The following HECW2 variants were observed in gnomAD, a reference collection of about 807,000 sequenced individuals.
The protein encoded by HECW2 is HECT, C2 and WW domain containing E3 ubiquitin protein ligase 2.
A neutral mutation model predicts 175.2 loss-of-function variants in HECW2; 61 were observed. The observed-to-expected ratio is 0.35, with a 90% CI of 0.28 to 0.43. HECW2 has a LOEUF of 0.43. HECW2 is among the 20% of genes least tolerant of loss of function. HECW2 has a pLI of 1.00. For synonymous variants in HECW2, 671 were observed against 731.0 expected (o/e 0.92, Z 1.32); for missense variants, 1,524 against 2,000.5 (o/e 0.76, Z 4.54).
chr2:196,349,116 CT>C (rs1350092035), intron 2 of HECW2, among the ~76,000 whole-genome samples: 1 of 152,194 alleles, frequency 6.6e-6, no homozygotes, highest in Non-Finnish European at 1.5e-5. Context: ...AATATTTAAC[CT>C]TTTTCTCTAG....
intron 1 of HECW2, among the ~76,000 whole-genome samples, chr2:196,548,221 T>C (rs1463147501): frequency 6.6e-6 from 1 of 151,062 alleles, no homozygotes; most frequent in African/African-American, 2.4e-5. Context: ...TCCCAGCTAC[T>C]CAGGAGGCTG....
intron 1 of HECW2, among the ~76,000 whole-genome samples, chr2:196,521,589 A>C (rs1178016201): frequency 2.0e-5 from 3 of 146,806 alleles, no homozygotes; most frequent in Non-Finnish European, 4.5e-5. Flanking sequence ...CCACTAACTC[A>C]TCATCTAGCA....
chr2:196,440,912 A>T (rs1528393), intron 1 of HECW2, among the ~76,000 whole-genome samples: 152,066 of 152,248 alleles, frequency 1, 75,943 homozygotes, highest in Middle Eastern at 1. Flanking sequence ...TTAAAAAATT[A>T]AAAAAAACCC....
chr2:196,309,657 A>C (rs1033729812), intron 10 of HECW2, among the ~76,000 whole-genome samples: 1 of 152,196 alleles, frequency 6.6e-6, no homozygotes, highest in African/African-American at 2.4e-5. Flanking sequence ...AGGGTAATTC[A>C]GGCACATAGA....
intron 17 of HECW2, among the ~76,000 whole-genome samples, chr2:196,259,310 T>C (rs1395436312): frequency 6.6e-6 from 1 of 152,186 alleles, no homozygotes; most frequent in East Asian, 1.9e-4. Context: ...ATTTGAAATA[T>C]TTTTCTTAAG....
At chr2:196,404,334 G>C (rs927523573) in intron 2 of HECW2, among the ~76,000 whole-genome samples, 1 of 152,096 alleles carries the variant, frequency 6.6e-6, no homozygotes, top group Non-Finnish European at 1.5e-5. Context: ...TGTCATGTCT[G>C]CTAGGATTCT....
chr2:196,254,179 C>G (rs1688962470), intron 18 of HECW2, 150 bp from the exon 19 acceptor site: 1 of 1,305,672 alleles, frequency 7.7e-7, no homozygotes, highest in Non-Finnish European at 1.0e-6. Context: ...ATTCTTGGTA[C>G]AAAATGGCTG....
intron 1 of HECW2, among the ~76,000 whole-genome samples, chr2:196,477,237 A>G (rs1335636552): frequency 6.6e-6 from 1 of 152,150 alleles, no homozygotes; most frequent in Non-Finnish European, 1.5e-5. Context: ...GAAATTGGCC[A>G]TATTTAATAT....
intron 13 of HECW2, among the ~76,000 whole-genome samples, chr2:196,297,141 G>T (rs1016306400): frequency 1.3e-5 from 2 of 152,300 alleles, no homozygotes; most frequent in Middle Eastern, 3.4e-3. Flanking sequence ...AGAGGAATTG[G>T]TAATTGTTAA....
intron 1 of HECW2, among the ~76,000 whole-genome samples, chr2:196,441,206 C>G (rs1696030385): frequency 3.3e-5 from 5 of 152,098 alleles, no homozygotes; most frequent in Admixed American, 2.0e-4. Flanking sequence ...CTAAACCTCA[C>G]CTGAAGGGCA....
intron 1 of HECW2, among the ~76,000 whole-genome samples, chr2:196,461,406 C>T (rs1284760920): frequency 2.0e-5 from 3 of 152,208 alleles, no homozygotes; most frequent in Non-Finnish European, 4.4e-5. Context: ...TCATACATTG[C>T]TGATCAGAGT....
intron 1 of HECW2, among the ~76,000 whole-genome samples, chr2:196,526,298 G>A (rs1208922586): frequency 1.6e-5 from 2 of 126,782 alleles, no homozygotes; most frequent in Non-Finnish European, 1.6e-5. Flanking sequence ...CATTCTTCAC[G>A]TAGTTCTCGA....
chr2:196,531,616 C>T (rs921373523), intron 1 of HECW2, among the ~76,000 whole-genome samples: 2 of 150,018 alleles, frequency 1.3e-5, no homozygotes, highest in African/African-American at 5.0e-5. Context: ...GTCCTGAGAT[C>T]GTACCACTGC....
At chr2:196,397,601 T>G (rs1268559837) in intron 2 of HECW2, among the ~76,000 whole-genome samples, 1 of 152,206 alleles carries the variant, frequency 6.6e-6, no homozygotes, top group Non-Finnish European at 1.5e-5. Context: ...CTATACAACC[T>G]CCAGATAATA....
intron 1 of HECW2, among the ~76,000 whole-genome samples, chr2:196,536,449 G>T (rs925744337): frequency 6.6e-6 from 1 of 152,184 alleles, no homozygotes; most frequent in African/African-American, 2.4e-5. Flanking sequence ...TGTGTCTAAA[G>T]CCCACAGATA....
intron 1 of HECW2, among the ~76,000 whole-genome samples, chr2:196,479,562 T>TC (rs1686776902): frequency 6.6e-6 from 1 of 152,204 alleles, no homozygotes; most frequent in Admixed American, 6.5e-5. Flanking sequence ...AATCACTGGA[T>TC]CACTGGACCA....
At position 196,538,981 on chromosome 2, in the gene HECW2, T is replaced by C. The variant is rs746239508; in HGVS notation, c.-36+54527A>G. On this transcript the variant is annotated intron_variant, in intron 1 of 28. Transcript: ENST00000644978. The stretch of plus-strand genomic sequence containing the variant: ...TCCCTGAAAAAAGACACCAAGTGCT[T>C]CCAACAGTGAGAAGTGGTGGTCTGA... Among the ~76,000 whole-genome samples the C allele has an allele frequency of 5.5e-4, 83 of 152,174 alleles. 1 individual carries two copies. The highest frequency in any genetic ancestry group is 1.2e-4 in the Non-Finnish European group (8 of 68,038).
chr2:196,492,581 T>C (rs1370321085), intron 1 of HECW2, among the ~76,000 whole-genome samples: 1 of 152,148 alleles, frequency 6.6e-6, no homozygotes, highest in Non-Finnish European at 1.5e-5. Flanking sequence ...CAAAGGATTG[T>C]GGGGGAAAGG....
At chr2:196,207,195 T>A (rs1687100631) in intron 28 of HECW2, among the ~76,000 whole-genome samples, 1 of 151,930 alleles carries the variant, frequency 6.6e-6, no homozygotes, top group South Asian at 2.1e-4. Context: ...GAAAGAAAAG[T>A]GGGTTGGCAG....
Sources: allele counts gnomAD v4.1 joint callset (sites outside exome capture counted in the v4.1 genomes callset), GRCh38; gene constraint gnomAD v4.1.1; transcripts MANE v1.5; gene names NCBI Gene and HGNC (gene_info 2026-07-23, HGNC 2026-07-21).